The following SLC25A18 variants were observed in gnomAD, a reference collection of about 807,000 sequenced individuals.
The protein encoded by SLC25A18 is mitochondrial glutamate carrier 2.
Under a neutral mutation model 31.1 loss-of-function variants are expected in SLC25A18, and 24 were observed. The ratio of observed to expected loss-of-function variants is 0.77; its 90% CI spans 0.56 to 1.08. The LOEUF is 1.08. Ranked by LOEUF, SLC25A18 falls within the 50% of genes least tolerant of loss-of-function variation. SLC25A18 has a pLI of 0.00. For synonymous variants in SLC25A18, 173 were observed against 161.9 expected (o/e 1.07, Z -0.52); for missense variants, 371 against 418.5 (o/e 0.89, Z 0.99).
intron 5 of SLC25A18, 53 bp from the exon 6 acceptor site, chr22:17,582,510 G>T: frequency 1.4e-6 from 2 of 1,471,450 alleles, no homozygotes; most frequent in South Asian, 1.2e-5. Flanking sequence ...CAGACCTGGG[G>T]CACTGTTATT....
chr22:17,563,809 A>G, intron 1 of SLC25A18, 96 bp downstream of exon 1: 1 of 704,928 alleles, frequency 1.4e-6, no homozygotes, highest in Non-Finnish European at 1.7e-6. Flanking sequence ...CTCAGAGTTC[A>G]TAATAAACCT....
At chr22:17,584,518 G>A (rs184381380) in intron 7 of SLC25A18, among the ~76,000 whole-genome samples, 2 of 151,640 alleles carry the variant, frequency 1.3e-5, no homozygotes, top group Admixed American at 6.6e-5. Flanking sequence ...GGTGGCTCAC[G>A]CCTGTAATCC....
At chr22:17,568,815 C>G (rs954389804) in intron 1 of SLC25A18, among the ~76,000 whole-genome samples, 4 of 151,778 alleles carry the variant, frequency 2.6e-5, no homozygotes, top group African/African-American at 7.3e-5. Flanking sequence ...CCTGCTTCGG[C>G]CTCCCAAAGT....
intron 1 of SLC25A18, among the ~76,000 whole-genome samples, chr22:17,564,110 A>G (rs1324970910): frequency 6.6e-6 from 1 of 152,180 alleles, no homozygotes; most frequent in Non-Finnish European, 1.5e-5. Flanking sequence ...CTCTAAGACG[A>G]AGACTGTGTA....
intron 1 of SLC25A18, among the ~76,000 whole-genome samples, chr22:17,568,851 G>A (rs978064466): frequency 6.6e-6 from 1 of 151,848 alleles, no homozygotes; most frequent in Non-Finnish European, 1.5e-5. Flanking sequence ...GTGAGCAACC[G>A]TGCCCGGCCT....
chr22:17,590,302 G>T lies in SLC25A18; in HGVS notation c.*66G>T. On this transcript the variant is annotated 3_prime_UTR_variant, in exon 11 of 11. Coordinates refer to ENST00000327451, the MANE Select transcript of SLC25A18 (RefSeq NM_031481.3). ...TCTAGCTGTTTCACTTAGCCTAGAG[G>T]GGGCAAGGGCAGGTGGGGCCACTCT... 6.2e-7 allele frequency: 1 copy of T among 1,603,254 alleles called. No homozygotes were observed. Among genetic ancestry groups the T allele is most frequent in the Non-Finnish European group, 8.5e-7 (1 of 1,173,300 alleles).
At chr22:17,589,734 G>C (rs1046214894) in intron 10 of SLC25A18, 69 bp downstream of exon 10, 8 of 1,440,010 alleles carry the variant, frequency 5.6e-6, no homozygotes, top group Non-Finnish European at 7.8e-6. Flanking sequence ...GCCTAGACCA[G>C]ATTTAGAGAC....
At chr22:17,589,500 G>A in intron 9 of SLC25A18, 90 bp from the exon 10 acceptor site, 1 of 1,152,398 alleles carries the variant, frequency 8.7e-7, no homozygotes. Context: ...ATATGTGGTG[G>A]CTCTACAGGA....
intron 2 of SLC25A18, among the ~76,000 whole-genome samples, chr22:17,572,945 A>G (rs1333600322): frequency 6.6e-6 from 1 of 152,048 alleles, no homozygotes; most frequent in Non-Finnish European, 1.5e-5. Context: ...CCAGCCCTCT[A>G]CAAATAATTT....
Position 17,579,732 on chromosome 22 carries a change from G to A in SLC25A18, c.-200-13G>A. ...CCATCTGTGAGGTGAGTGTTTCTCT[G>A]ACTACTTTGCAGGGGAGGAAGCCGC... is the stretch of plus-strand genomic sequence containing the variant. On this transcript the variant is annotated splice_polypyrimidine_tract_variant and intron_variant, in intron 2 of 10. Coordinates refer to ENST00000327451, the MANE Select transcript of SLC25A18 (RefSeq NM_031481.3). 1 of 1,380,974 alleles carries A rather than the reference G, an allele frequency of 7.2e-7. No homozygotes were observed. Among genetic ancestry groups the A allele is most frequent in the Non-Finnish European group, 9.4e-7 (1 of 1,069,456 alleles). The allele number at this position is 1,380,974 out of a possible 1,614,324, so 85.5% of individuals were successfully genotyped here. A position where few individuals can be genotyped will look rare whatever the true frequency, so the allele number is the denominator to read the frequency against.
At chr22:17,580,549 C>T in intron 3 of SLC25A18, 1 of 989,760 alleles carries the variant, frequency 1.0e-6, no homozygotes, top group Non-Finnish European at 1.2e-6. Flanking sequence ...CAATAGCTGG[C>T]ATTCCCCCCC....
chr22:17,568,295 A>T (rs1201278426), intron 1 of SLC25A18, among the ~76,000 whole-genome samples: 2 of 148,386 alleles, frequency 1.3e-5, no homozygotes, highest in African/African-American at 5.0e-5. Context: ...TGAACGTGGG[A>T]GGCTGAGCTT....
intron 6 of SLC25A18, 100 bp downstream of exon 6, chr22:17,582,753 T>C (rs2057415588): frequency 2.9e-6 from 3 of 1,036,052 alleles, no homozygotes; most frequent in Non-Finnish European, 4.3e-6. Flanking sequence ...CCTGCCTGCA[T>C]GCATATAAAT....
At chr22:17,587,839 C>G in intron 8 of SLC25A18, 86 bp from the exon 9 acceptor site, 1 of 1,550,198 alleles carries the variant, frequency 6.5e-7, no homozygotes, top group Non-Finnish European at 8.8e-7. Flanking sequence ...GTAAGCCCCA[C>G]AGCTCACAGC....
At chr22:17,580,063 C>T in intron 3 of SLC25A18, 99 bp downstream of exon 3, 1 of 1,230,870 alleles carries the variant, frequency 8.1e-7, no homozygotes, top group Non-Finnish European at 1.2e-6. Context: ...CAAGCTGAGT[C>T]CTAGGGAAGA....
intron 6 of SLC25A18, 72 bp downstream of exon 6, chr22:17,582,725 CA>C: frequency 7.4e-7 from 1 of 1,355,582 alleles, no homozygotes; most frequent in South Asian, 1.3e-5. Context: ...AAGAAGATTT[CA>C]AATGTGCCTC....
intron 5 of SLC25A18, 42 bp downstream of exon 5, chr22:17,581,455 G>A: frequency 6.2e-7 from 1 of 1,606,836 alleles, no homozygotes; most frequent in Non-Finnish European, 8.5e-7. Context: ...CAGCAGGTGT[G>A]AGCGTATGGG....
intron 2 of SLC25A18, among the ~76,000 whole-genome samples, chr22:17,575,369 C>T (rs972739465): frequency 6.6e-6 from 1 of 152,072 alleles, no homozygotes; most frequent in Non-Finnish European, 1.5e-5. Flanking sequence ...AGTGGGAGAC[C>T]CTTTTTGTGG....
At position 17,582,371 on chromosome 22, in the gene SLC25A18, A is replaced by G. The variant is rs150879240; in HGVS notation, c.200-192A>G. On this transcript the variant is annotated intron_variant, in intron 5 of 10. Coordinates refer to ENST00000327451, the MANE Select transcript of SLC25A18 (RefSeq NM_031481.3). ...AGCCTGGGCGACAGAGCGAGACTCC[A>G]TCTAAAAAAAAAGGAGAATGTGGTA... The G allele has an allele frequency of 1.1e-3, 496 of 472,182 alleles. 4 individuals are homozygous for G. The East Asian group carries it at 0.016, about 15-fold the overall frequency. The allele number at this position is 472,182 out of a possible 1,614,324, so 29.2% of individuals were successfully genotyped here.
Sources: gnomAD v4.1 joint callset for allele counts (sites outside exome capture counted in the v4.1 genomes callset) on GRCh38, gnomAD v4.1.1 for gene constraint, MANE v1.5 for transcripts, NCBI Gene and HGNC (gene_info 2026-07-23, HGNC 2026-07-21) for gene names.